The following FLG variants were observed in gnomAD, a reference collection of about 807,000 sequenced individuals.
The protein encoded by FLG is epidermal filaggrin.
FLG carries 6 observed loss-of-function variants against 3.8 expected under a neutral mutation model. The ratio of observed to expected loss-of-function variants is 1.60; its 90% CI spans 0.87 to 3.15. The LOEUF (loss-of-function observed/expected upper bound fraction) is 3.15, where lower values mean the gene tolerates loss of function less well. FLG is among the 30% of genes most tolerant of loss of function. The probability of loss-of-function intolerance (pLI) is 0.00; values close to 1 mark genes in which losing one functional copy is unlikely to be tolerated. For synonymous variants in FLG, 2,551 were observed against 1,931.6 expected, an observed-to-expected ratio of 1.32 and a Z score of -8.41; for missense variants, 7,595 against 5,050.9, an observed-to-expected ratio of 1.50 and a Z score of -15.27.
At position 152,314,215 on chromosome 1, in the gene FLG, G is replaced by A. The variant is rs1442611863; in HGVS notation, c.671C>T (p.Thr224Ile). 1.9e-6 allele frequency: 3 copies of A among 1,613,842 alleles called. No homozygotes were observed. Among genetic ancestry groups the A allele is most frequent in the Admixed American group, 1.7e-5 (1 of 60,002 alleles). The stretch of plus-strand genomic sequence containing the variant: ...ATGGCCTGATTGTATCCATTTTTGA[G>A]TCATTCTTCCTGTATTTTCATAATC... ...VYDYENTGRM[T>I]QKWIQSGHIA... is the part of the protein sequence containing the mutation. Residue 224 changes from threonine to isoleucine, a missense_variant, in exon 3 of 3, where the codon ACT (threonine) becomes ATT (isoleucine). Physicochemically the swap from Thr to Ile is moderately conservative, Grantham distance 89 (BLOSUM62 -1). Transcript: ENST00000368799.
rs758553931 is a variant in FLG at position 152,304,369 on chromosome 1, T to G, written c.10517A>C (p.His3506Pro). 6.2e-7 allele frequency: 1 copy of G among 1,611,898 alleles called. No homozygotes were observed. The highest frequency in any genetic ancestry group is 8.5e-7 in the Non-Finnish European group (1 of 1,179,104). The change falls in exon 3 of 3, where the codon CAC becomes CCC. Residue 3506 changes from histidine (H) to proline (P), a missense_variant. Physicochemically the swap from His to Pro is moderately conservative, Grantham distance 77. Transcript: ENST00000368799. ...GTCCGCCTGAGTGGAAGCTTCATGGTGATGCGACCATGAGTGCCTGGAGCC... is the reference window on the plus strand; with the variant it reads ...GTCCGCCTGAGTGGAAGCTTCATGGGGATGCGACCATGAGTGCCTGGAGCC... ...GDGSRHSWSH[H>P]HEASTQADSS...
Position 152,310,620 on chromosome 1 carries a change from G to C in FLG, c.4266C>G (p.Ser1422Arg), listed in dbSNP as rs1230518364. 2 of 1,613,846 alleles carry C rather than the reference G, an allele frequency of 1.2e-6. No homozygotes were observed. The highest frequency in any genetic ancestry group is 1.7e-6 in the Non-Finnish European group (2 of 1,180,000). Residue 1422 changes from serine (S) to arginine (R), a missense_variant, in exon 3 of 3, where the codon AGC becomes AGG. By Grantham distance (110) the Ser-to-Arg change is moderately radical (BLOSUM62 -1). Transcript: ENST00000368799. Reference sequence around the variant, plus strand: ...ACTGGCCACGTGCGGACTCTTTGTGGCTCTGCTGATGGGGCCCAGCTTGTC... The same window carrying C: ...ACTGGCCACGTGCGGACTCTTTGTGCCTCTGCTGATGGGGCCCAGCTTGTC... ...AHGQAGPHQQ[S>R]HKESARGQSG...
chr1:152,309,021 T>C lies in FLG; in HGVS notation c.5865A>G (p.Arg1955=). 1 of 1,614,128 alleles carries C rather than the reference T, an allele frequency of 6.2e-7. No homozygotes were observed. Among genetic ancestry groups the C allele is most frequent in the Non-Finnish European group, 8.5e-7 (1 of 1,179,996 alleles). Residue 1955 remains arginine (R), a synonymous_variant, in exon 3 of 3, where the codon AGA becomes AGG. Coordinates refer to ENST00000368799, the MANE Select transcript of FLG (RefSeq NM_002016.2). ...TGTCTTCGTGATGGGACCCAGGGTG[T>C]CTGGAGCCATCTCTTGACTGCTCCC... The part of the protein sequence containing the change: ...SAWEQSRDGS[R]HPGSHHEDRA...
intron 1 of FLG, among the ~76,000 whole-genome samples, chr1:152,318,869 A>G (rs796243942): frequency 6.6e-6 from 1 of 152,022 alleles, no homozygotes; most frequent in African/African-American, 2.4e-5. Context: ...AGTGATATGT[A>G]CATAACTAAA....
rs146524643 is a variant in FLG at position 152,303,305 on chromosome 1, A to T, written c.11581T>A (p.Ser3861Thr). The change falls in exon 3 of 3, where the codon TCC (serine) becomes ACC (threonine). Residue 3861 changes from serine (S) to threonine (T), a missense_variant. By Grantham distance (58) the Ser-to-Thr change is moderately conservative. Coordinates refer to ENST00000368799, the MANE Select transcript of FLG (RefSeq NM_002016.2). ...AGSRRSRRQG[S>T]SVSQDSDSEA... is the part of the protein sequence containing the mutation. ...CTGTCACTGTCCTGGCTAACACTGGATCCCTGGCGCCTGCTTCTCCTGGAC... is the reference window on the plus strand; with the variant it reads ...CTGTCACTGTCCTGGCTAACACTGGTTCCCTGGCGCCTGCTTCTCCTGGAC... The T allele has an allele frequency of 2.4e-5, 39 of 1,613,740 alleles. No homozygotes were observed. The highest frequency in any genetic ancestry group is 3.1e-5 in the Non-Finnish European group (37 of 1,179,976).
rs752092100 is a variant in FLG at position 152,305,012 on chromosome 1, C to A, written c.9874G>T (p.Glu3292Ter). 13 of 1,613,848 alleles carry A rather than the reference C, an allele frequency of 8.1e-6. 1 individual carries two copies. In the South Asian group the frequency reaches 1.4e-4, roughly 18 times the overall value. Residue 3292 changes from glutamate (E) to a stop codon, truncating the protein, a stop_gained, in exon 3 of 3, where the codon GAA (glutamate) becomes TAA (stop). Transcript: ENST00000368799. LOFTEE classifies it low-confidence loss of function (END_TRUNC). ...SSGGQAASSH[E>*]QARSSPGERH... ...TCTCCTGGACTTGATCTTGCCTGTTCATGGGATGATGCAGCCTGTCCACCA... is the reference window on the plus strand; with the variant it reads ...TCTCCTGGACTTGATCTTGCCTGTTAATGGGATGATGCAGCCTGTCCACCA...
chr1:152,302,860 T>A lies in FLG; in HGVS notation c.12026A>T (p.Lys4009Met). ...TGCTTTACAGATATCAGATCTTTCC[T>A]TGAAAACAACAGGATTGGAATTGTA... ...VSYNSNPVVFKERSDICKASA... is the reference protein window; with the variant it reads ...VSYNSNPVVFMERSDICKASA... Residue 4009 changes from lysine to methionine, a missense_variant, in exon 3 of 3, where the codon AAG becomes ATG. By Grantham distance (95) the Lys-to-Met change is moderately conservative (BLOSUM62 -1). Transcript: ENST00000368799. 1 of 1,614,240 alleles carries A rather than the reference T, an allele frequency of 6.2e-7. No homozygotes were observed. Among genetic ancestry groups the A allele is most frequent in the Non-Finnish European group, 8.5e-7 (1 of 1,180,026 alleles).
Position 152,310,161 on chromosome 1 carries a change from C to A in FLG, c.4725G>T (p.Gln1575His). The change falls in exon 3 of 3, where the codon CAG becomes CAT. Residue 1575 changes from glutamine to histidine, a missense_variant. Transcript: ENST00000368799. ...STRAGSSRHS[Q>H]VGQGESAGSK... Reference sequence around the variant, plus strand: ...ACCCCGCTGATTCTCCCTGGCCCACCTGTGAGTGTCTAGAGCTGCCGGCCC... The same window carrying A: ...ACCCCGCTGATTCTCCCTGGCCCACATGTGAGTGTCTAGAGCTGCCGGCCC... The A allele has an allele frequency of 6.2e-7, 1 of 1,613,926 alleles. No homozygotes were observed. The highest frequency in any genetic ancestry group is 1.3e-5 in the African/African-American group (1 of 74,942).
At position 152,312,130 on chromosome 1, in the gene FLG, T is replaced by C. The variant is rs1351259835; in HGVS notation, c.2756A>G (p.His919Arg). The change falls in exon 3 of 3, where the codon CAT becomes CGT. Residue 919 changes from histidine to arginine, a missense_variant. His to Arg is a conservative substitution (Grantham distance 29). Transcript: ENST00000368799. ...CTGTGAGTGTCTAGAGATGTCGGCA[T>C]GAGAGGAAGCTTCATGGTGACGTGA... is the stretch of plus-strand genomic sequence containing the variant. ...SGSRHHEASS[H>R]ADISRHSQAG... 1 of 1,568,232 alleles carries C rather than the reference T, an allele frequency of 6.4e-7. No individual in the cohort carries two copies. The highest frequency in any genetic ancestry group is 1.1e-5 in the South Asian group (1 of 87,862).
At position 152,313,267 on chromosome 1, in the gene FLG, C is replaced by G; in HGVS notation, c.1619G>C (p.Gly540Ala). ...GTGGCTGTGATGGGAACCTGAGTGT[C>G]CAGACCTATTTACCGATTGCTCGTG... ...SHHEQSVNRS[G>A]HSGSHHSHTT... Residue 540 changes from glycine (G) to alanine (A), a missense_variant, in exon 3 of 3, where the codon GGA becomes GCA. Transcript: ENST00000368799. 6.2e-7 allele frequency: 1 copy of G among 1,613,876 alleles called. No individual in the cohort carries two copies. Among genetic ancestry groups the G allele is most frequent in the Non-Finnish European group, 8.5e-7 (1 of 1,180,012 alleles).
Position 152,314,534 on chromosome 1 carries a change from T to A in FLG, c.352A>T (p.Asn118Tyr), listed in dbSNP as rs1652703857. The change falls in exon 3 of 3, where the codon AAC (asparagine) becomes TAC (tyrosine). Residue 118 changes from asparagine (N) to tyrosine (Y), a missense_variant. Transcript: ENST00000368799. Reference protein sequence around the residue: ...DKHEDNKQEENKENRKRPSSL... With the variant: ...DKHEDNKQEEYKENRKRPSSL... ...GAGGGTCTTTTTCTGTTTTCTTTGTTTTCTTCCTGTTTATTATCTTCATGT... is the reference window on the plus strand; with the variant it reads ...GAGGGTCTTTTTCTGTTTTCTTTGTATTCTTCCTGTTTATTATCTTCATGT... 7.4e-6 allele frequency: 12 copies of A among 1,613,942 alleles called. No homozygotes were observed. The highest frequency in any genetic ancestry group is 9.3e-6 in the Non-Finnish European group (11 of 1,179,984).
rs1413924207 is a variant in FLG, at chr1:152,304,751, T to A, written c.10135A>T (p.Arg3379Trp). Residue 3379 changes from arginine to tryptophan, a missense_variant, in exon 3 of 3, where the codon AGG becomes TGG. Transcript: ENST00000368799. ...AGGAAAGACCCTGAACGTCCAGACC[T>A]TCCCCCTGACCGGTCACGTGCGGAC... is the stretch of plus-strand genomic sequence containing the variant. ...QESARDRSGG[R>W]SGRSGSFLYQ... 1 of 1,613,452 alleles carries A rather than the reference T, an allele frequency of 6.2e-7. No homozygotes were observed. Among genetic ancestry groups the A allele is most frequent in the East Asian group, 2.2e-5 (1 of 44,750 alleles).
rs776867338 is a variant in FLG, at chr1:152,308,868, T to C, written c.6018A>G (p.Gly2006=). Residue 2006 remains glycine (G), a synonymous_variant, in exon 3 of 3, where the codon GGA becomes GGG. Coordinates refer to ENST00000368799, the MANE Select transcript of FLG (RefSeq NM_002016.2). ...QARSSAGERH[G]SHHQLQSADS... is the part of the protein sequence containing the mutation. ...CTGCTGACTGGAGCTGGTGGTGGGATCCATGTCTTTCTCCTGCACTTGATC... is the reference window on the plus strand; with the variant it reads ...CTGCTGACTGGAGCTGGTGGTGGGACCCATGTCTTTCTCCTGCACTTGATC... The C allele has an allele frequency of 9.9e-6, 16 of 1,614,034 alleles. 1 individual carries two copies. The South Asian group carries it at 1.5e-4, about 16-fold the overall frequency.
rs1390891308 is a variant in FLG, at chr1:152,305,641, C to T, written c.9245G>A (p.Ser3082Asn). ...GCGGGATCCTTGTCTTCCTCTAGTG[C>T]TGGGCCCCGTCCATCCATGGGAGGA... ...SESSHGWTGP[S>N]TRGRQGSRHE... Residue 3082 changes from serine to asparagine, a missense_variant, in exon 3 of 3, where the codon AGC becomes AAC. Coordinates refer to ENST00000368799, the MANE Select transcript of FLG (RefSeq NM_002016.2). The T allele has an allele frequency of 2.7e-6, 4 of 1,458,762 alleles. No homozygotes were observed. Among genetic ancestry groups the T allele is most frequent in the Non-Finnish European group, 3.6e-6 (4 of 1,098,164 alleles). The allele number at this position is 1,458,762 out of a possible 1,614,324, so 90.4% of individuals were successfully genotyped here.
At position 152,310,837 on chromosome 1, in the gene FLG, C is replaced by A. The variant is rs753512669; in HGVS notation, c.4049G>T (p.Arg1350Ile). The A allele has an allele frequency of 6.8e-6, 11 of 1,611,788 alleles. No homozygotes were observed. The Admixed American group carries it at 8.4e-5, about 12-fold the overall frequency. Residue 1350 changes from arginine to isoleucine, a missense_variant, in exon 3 of 3, where the codon AGA (arginine) becomes ATA (isoleucine). Transcript: ENST00000368799. ...TCCATGTCTTTCTCCTGGACTTGAT[C>A]TTGCCTGTTCATGGGATGACACAGC... Reference protein sequence around the residue: ...GQAVSSHEQARSSPGERHGSR... With the variant: ...GQAVSSHEQAISSPGERHGSR...
chr1:152,312,341 T>G lies in FLG; in HGVS notation c.2545A>C (p.Arg849=), dbSNP rs779643209. The change falls in exon 3 of 3, where the codon AGA becomes CGA. Residue 849 remains arginine, a synonymous_variant. Transcript: ENST00000368799. ...TGGTGGGACCCCTGCCTTCCTCTTC[T>G]GCTTGACCCCGGGTGTCCACGAATG... The part of the protein sequence containing the change: ...DTIRGHPGSS[R]RGRQGSHHEQ... 1.9e-6 allele frequency: 3 copies of G among 1,612,256 alleles called. No homozygotes were observed. Among genetic ancestry groups the G allele is most frequent in the Admixed American group, 1.7e-5 (1 of 59,622 alleles).
chr1:152,313,208 C>A lies in FLG; in HGVS notation c.1678G>T (p.Gly560Trp), dbSNP rs778064542. The A allele has an allele frequency of 1.1e-5, 17 of 1,613,846 alleles. No homozygotes were observed. In the South Asian group the frequency reaches 1.8e-4, roughly 17 times the overall value. Reference protein sequence around the residue: ...TSQGRSDASHGQSGSRSASRQ... With the variant: ...TSQGRSDASHWQSGSRSASRQ... ...CTTGCACTTCTGGATCCTGACTGCC[C>A]ATGGGAGGCATCAGACCTTCCCTGG... is the stretch of plus-strand genomic sequence containing the variant. The change falls in exon 3 of 3, where the codon GGG becomes TGG. Residue 560 changes from glycine to tryptophan, a missense_variant. Physicochemically the swap from Gly to Trp is radical, Grantham distance 184. Transcript: ENST00000368799.
chr1:152,305,079 G>T lies in FLG; in HGVS notation c.9807C>A (p.Asp3269Glu), dbSNP rs781204726. ...GACGAGTGCCTGATTGTCTGGAGCG[G>T]TCTGCAGAGTGCCCGTGACCGGCTC... The part of the protein sequence containing the change: ...EDRAGHGHSA[D>E]RSRQSGTRHA... Residue 3269 changes from aspartate (D) to glutamate (E), a missense_variant, in exon 3 of 3, where the codon GAC becomes GAA. By Grantham distance (45) the Asp-to-Glu change is conservative. Transcript: ENST00000368799. 6.2e-7 allele frequency: 1 copy of T among 1,613,216 alleles called. No individual in the cohort carries two copies. The highest frequency in any genetic ancestry group is 1.3e-5 in the African/African-American group (1 of 74,870).
chr1:152,314,680 A>G lies in FLG; in HGVS notation c.206T>C (p.Ile69Thr), dbSNP rs758648098. ...CATCAGAAGAAACTCAGTGAAGTCAATTTTCTTGTTGTGGTCTATATCCAA... is the reference window on the plus strand; with the variant it reads ...CATCAGAAGAAACTCAGTGAAGTCAGTTTTCTTGTTGTGGTCTATATCCAA... ...DHLDIDHNKKIDFTEFLLMVF... is the reference protein window; with the variant it reads ...DHLDIDHNKKTDFTEFLLMVF... The change falls in exon 3 of 3, where the codon ATT (isoleucine) becomes ACT (threonine). Residue 69 changes from isoleucine to threonine, a missense_variant. Transcript: ENST00000368799. The G allele has an allele frequency of 5.0e-6, 8 of 1,613,860 alleles. No homozygotes were observed. Among genetic ancestry groups the G allele is most frequent in the African/African-American group, 4.0e-5 (3 of 74,876 alleles).
Sources: gnomAD v4.1 joint callset for allele counts (sites outside exome capture counted in the v4.1 genomes callset) on GRCh38, gnomAD v4.1.1 for gene constraint, MANE v1.5 for transcripts, NCBI Gene and HGNC (gene_info 2026-07-23, HGNC 2026-07-21) for gene names.